The following CDK2 variants were observed in gnomAD, a reference collection of about 807,000 sequenced individuals.
The protein encoded by CDK2 is cyclin dependent kinase 2.
In CDK2, 8 loss-of-function variants were observed where a neutral mutation model predicts 35.0. That is an observed-to-expected ratio of 0.23 (90% confidence interval 0.13 to 0.41). The LOEUF (loss-of-function observed/expected upper bound fraction) is 0.41. Ranked by LOEUF, CDK2 falls within the 10% of genes least tolerant of loss-of-function variation. The probability of loss-of-function intolerance (pLI) is 1.00; values close to 1 mark genes in which losing one functional copy is unlikely to be tolerated. For missense variants in CDK2, 201 were observed against 367.1 expected (o/e 0.55, Z 3.70); for synonymous variants, 134 against 137.7 (o/e 0.97, Z 0.19).
intron 6 of CDK2, 133 bp downstream of exon 6, chr12:55,971,380 C>T (rs1889470335): frequency 9.1e-7 from 1 of 1,095,458 alleles, no homozygotes; most frequent in African/African-American, 1.6e-5. Context: ...CCTGTTGGCA[C>T]ACTGATTCAG....
In CDK2 at chr12:55,972,765, A is replaced by G. The variant is rs1411372413; in HGVS notation, c.*1140A>G. Reference sequence around the variant, plus strand: ...GTAATTTAGTTTGTAGCTCATTAAAAAAATGTGCCTAGTTTTATAGTTCAT... The same window carrying G: ...GTAATTTAGTTTGTAGCTCATTAAAGAAATGTGCCTAGTTTTATAGTTCAT... On this transcript the variant is annotated 3_prime_UTR_variant, in exon 7 of 7. Transcript: ENST00000266970. 6.6e-6 allele frequency: 1 copy of G among 152,080 alleles called. No individual in the cohort carries two copies. The highest frequency in any genetic ancestry group is 1.5e-5 in the Non-Finnish European group (1 of 68,026). The allele number at this position is 152,080 out of a possible 1,614,324, so 9.4% of individuals were successfully genotyped here. A position where few individuals can be genotyped will look rare whatever the true frequency, so the allele number is the denominator to read the frequency against.
At chr12:55,970,789 A>C in intron 5 of CDK2, 1 of 698,228 alleles carries the variant, frequency 1.4e-6, no homozygotes, top group South Asian at 1.5e-5. Context: ...CACCCCAGAC[A>C]TTCACCCCCT....
chr12:55,967,594 C>A, intron 1 of CDK2: 1 of 509,324 alleles, frequency 2.0e-6, no homozygotes, highest in Non-Finnish European at 3.5e-6. Flanking sequence ...GCATTTTTTC[C>A]CCTCCATTAC....
At chr12:55,968,658 T>G (rs1889398979) in intron 3 of CDK2, 120 bp from the exon 4 acceptor site, 10 of 735,422 alleles carry the variant, frequency 1.4e-5, no homozygotes, top group Non-Finnish European at 1.7e-5. Flanking sequence ...AGAAATAGCT[T>G]GTAAATATGT....
chr12:55,968,645 G>A, intron 3 of CDK2, 133 bp from the exon 4 acceptor site: 1 of 665,780 alleles, frequency 1.5e-6, no homozygotes, highest in Non-Finnish European at 2.4e-6. Flanking sequence ...ACAGTCCATT[G>A]GGAGAAATAG....
At chr12:55,967,998 G>A in intron 2 of CDK2, 51 bp from the exon 3 acceptor site, 1 of 1,613,576 alleles carries the variant, frequency 6.2e-7, no homozygotes. Context: ...GTACAGTGTG[G>A]GCATTTCTCT....
In CDK2 at chr12:55,967,017, C is replaced by A. The variant is rs139342756; in HGVS notation, c.9C>A (p.Asn3Lys). 5.8e-4 allele frequency: 930 copies of A among 1,612,448 alleles called. 1 individual carries two copies. The highest frequency in any genetic ancestry group is 1.5e-3 in the Admixed American group (88 of 59,824). The change falls in exon 1 of 7, where the codon AAC becomes AAA. Residue 3 changes from asparagine (N) to lysine (K), a missense_variant. By Grantham distance (94) the Asn-to-Lys change is moderately conservative. Coordinates refer to ENST00000266970, the MANE Select transcript of CDK2 (RefSeq NM_001798.5). ...CGACTCGCTGGCGCTTCATGGAGAA[C>A]TTCCAAAAGGTGGAAAAGATCGGAG... ME[N>K]FQKVEKIGEG...
intron 1 of CDK2, chr12:55,967,560 C>T: frequency 4.2e-6 from 2 of 481,284 alleles, no homozygotes; most frequent in South Asian, 5.1e-5. Context: ...ACTGGCCCCT[C>T]TGGGGAGGCT....
At chr12:55,968,020 C>G in intron 2 of CDK2, 29 bp from the exon 3 acceptor site, 1 of 1,614,002 alleles carries the variant, frequency 6.2e-7, no homozygotes, top group Non-Finnish European at 8.5e-7. Flanking sequence ...TCTCACACAC[C>G]TCCATTTCCT....
intron 5 of CDK2, 97 bp downstream of exon 5, chr12:55,969,673 C>A: frequency 1.7e-6 from 1 of 604,036 alleles, no homozygotes; most frequent in South Asian, 2.3e-5. Context: ...TATGGCCCTT[C>A]TATCACAGGG....
intron 6 of CDK2, 112 bp downstream of exon 6, chr12:55,971,359 T>G: frequency 8.5e-7 from 1 of 1,173,118 alleles, no homozygotes; most frequent in Non-Finnish European, 1.3e-6. Context: ...ATTTCCCTGG[T>G]TCCTGCTCTC....
chr12:55,968,194 C>G (rs1191441394), intron 3 of CDK2, 25 bp downstream of exon 3: 1 of 1,612,606 alleles, frequency 6.2e-7, no homozygotes, highest in East Asian at 2.2e-5. Flanking sequence ...CAGCTCCTCT[C>G]ATCATGGGCA....
intron 3 of CDK2, 65 bp downstream of exon 3, chr12:55,968,234 A>C (rs1368000897): frequency 6.3e-7 from 1 of 1,588,616 alleles, no homozygotes; most frequent in African/African-American, 1.4e-5. Flanking sequence ...CAGGCAATTC[A>C]GGGTGATATT....
rs748852392 is a variant in CDK2, at chr12:55,971,602, C to A, written c.874C>A (p.Pro292Thr). ...CCCTTTCTTCCAGGATGTGACCAAG[C>A]CAGTACCCCATCTTCGACTCTGATA... The part of the protein sequence containing the change: ...AHPFFQDVTK[P>T]VPHLRL Residue 292 changes from proline to threonine, a missense_variant, in exon 7 of 7, where the codon CCA becomes ACA. Pro to Thr is a conservative substitution (Grantham distance 38). Around this residue, in one of 5 missense-constraint regions of CDK2, gnomAD observed 106 missense variants for 141.3 expected, o/e 0.75. Coordinates refer to ENST00000266970, the MANE Select transcript of CDK2 (RefSeq NM_001798.5). The A allele has an allele frequency of 6.2e-7, 1 of 1,613,584 alleles. No individual in the cohort carries two copies. Among genetic ancestry groups the A allele is most frequent in the African/African-American group, 1.3e-5 (1 of 74,906 alleles).
At chr12:55,969,275 C>G (rs867282646) in intron 4 of CDK2, among the ~76,000 whole-genome samples, 200 bp from the exon 5 acceptor site, 4 of 151,994 alleles carry the variant, frequency 2.6e-5, no homozygotes, top group Admixed American at 6.6e-5. Context: ...CAATTTGTCT[C>G]AAGTTTTTCC....
Position 55,967,028 on chromosome 12 carries a change from T to C in CDK2, c.20T>C (p.Val7Ala). ...CGCTTCATGGAGAACTTCCAAAAGG[T>C]GGAAAAGATCGGAGAGGGCACGTAC... is the stretch of plus-strand genomic sequence containing the variant. MENFQKVEKIGEGTYGV... is the reference protein window; with the variant it reads MENFQKAEKIGEGTYGV... Residue 7 changes from valine (V) to alanine (A), a missense_variant, in exon 1 of 7, where the codon GTG becomes GCG. This residue lies in a region of CDK2 where 37 missense variants were observed against 108.4 expected (regional missense o/e 0.34). Transcript: ENST00000266970. 1.2e-6 allele frequency: 2 copies of C among 1,612,558 alleles called. No individual in the cohort carries two copies. The highest frequency in any genetic ancestry group is 1.7e-6 in the Non-Finnish European group (2 of 1,179,576).
chr12:55,967,385 C>T, intron 1 of CDK2: 1 of 514,236 alleles, frequency 1.9e-6, no homozygotes, highest in Non-Finnish European at 3.5e-6. Flanking sequence ...CGACTACAGA[C>T]TCGGGGAGAG....
chr12:55,970,798 C>G, intron 5 of CDK2: 1 of 697,070 alleles, frequency 1.4e-6, no homozygotes, highest in Non-Finnish European at 2.6e-6. Context: ...CATTCACCCC[C>G]TCCCAGACCC....
rs1011777385 is a variant in CDK2 at position 55,971,914 on chromosome 12, C to T, written c.*289C>T. The T allele has an allele frequency of 1.2e-5, 4 of 347,428 alleles. No individual in the cohort carries two copies. In the South Asian group the frequency reaches 2.4e-4, roughly 21 times the overall value. The allele number at this position is 347,428 out of a possible 1,614,324, so 21.5% of individuals were successfully genotyped here. A position where few individuals can be genotyped will look rare whatever the true frequency, so the allele number is the denominator to read the frequency against. ...TGGTATAAAAATAATTTTAAAAAAG[C>T]CTTCCTACACGTTAGATTTGCCGTA... is the stretch of plus-strand genomic sequence containing the variant. On this transcript the variant is annotated 3_prime_UTR_variant, in exon 7 of 7. Coordinates refer to ENST00000266970, the MANE Select transcript of CDK2 (RefSeq NM_001798.5).
Sources: allele counts gnomAD v4.1 joint callset (sites outside exome capture counted in the v4.1 genomes callset), GRCh38; gene constraint gnomAD v4.1.1; regional missense constraint gnomAD v4.1.1; transcripts MANE v1.5; gene names NCBI Gene and HGNC (gene_info 2026-07-23, HGNC 2026-07-21).